Variants in GEMIN8 observed in about 807,000 individuals in gnomAD.
GEMIN8 encodes gem nuclear organelle associated protein 8, also known as gem-associated protein 8.
For missense variants in GEMIN8, 185 were observed against 205.9 expected (o/e 0.90, Z 0.62); for synonymous variants, 80 against 78.5 (o/e 1.02, Z -0.10).
chrX:13,999,274 T>TC, the GEMIN8 span, among the ~76,000 whole-genome samples: 1 of 105,404 alleles, frequency 9.5e-6, no homozygotes, highest in East Asian at 2.9e-4. Flanking sequence ...TATGTAGATT[T>TC]TTTTTTTTTT....
chrX:14,022,277 C>T (rs1412277408), intron 2 of GEMIN8, among the ~76,000 whole-genome samples: 1 of 110,498 alleles, frequency 9.0e-6, no homozygotes, highest in Non-Finnish European at 1.9e-5. Context: ...TAAGACATCT[C>T]TCCAGCCTCA....
At chrX:13,991,339 G>C in the GEMIN8 span, among the ~76,000 whole-genome samples, 1 of 111,955 alleles carries the variant, frequency 8.9e-6, no homozygotes, top group African/African-American at 3.2e-5. Flanking sequence ...TTAGACAATA[G>C]AGCATACAAT....
At chrX:13,996,660 T>C in the GEMIN8 span, among the ~76,000 whole-genome samples, 1 of 111,789 alleles carries the variant, frequency 8.9e-6, no homozygotes, top group Non-Finnish European at 1.9e-5. Context: ...CTTAATCCTA[T>C]ACTCTAAGCA....
Position 14,008,041 on chromosome X carries a change from G to A in GEMIN8, c.*872C>T, listed in dbSNP as rs1486752054. 1.8e-5 allele frequency among the ~76,000 whole-genome samples: 2 copies of A among 108,751 alleles called. No individual in the cohort carries two copies. Among genetic ancestry groups the A allele is most frequent in the Non-Finnish European group, 3.8e-5 (2 of 52,184 alleles). The allele number at this position is 108,751 out of a possible 115,157, so 94.4% of individuals were successfully genotyped here. On this transcript the variant is annotated 3_prime_UTR_variant, in exon 5 of 5. Transcript: ENST00000680255. The stretch of plus-strand genomic sequence containing the variant: ...TTTCTCTAGGTTGGAGTGCAGTGGC[G>A]CGATCTCAGCTCACTGCAACCTCTG...
chrX:14,013,832 C>A, intron 4 of GEMIN8: 1 of 203,496 alleles, frequency 4.9e-6, no homozygotes, highest in Non-Finnish European at 7.3e-6. Flanking sequence ...TAATTTGTTA[C>A]AGCAGCCCTG....
the GEMIN8 span, among the ~76,000 whole-genome samples, chrX:14,000,319 G>A: frequency 1.5e-4 from 16 of 108,677 alleles, no homozygotes; most frequent in African/African-American, 3.0e-4. Context: ...AATTTAGGCC[G>A]GGCGCAGTGG....
chrX:13,989,696 CT>C, the GEMIN8 span, among the ~76,000 whole-genome samples: 1 of 112,512 alleles, frequency 8.9e-6, no homozygotes, highest in African/African-American at 3.2e-5. Context: ...GGATTGCTTC[CT>C]CTGGGAAGAG....
chrX:13,991,732 T>C, the GEMIN8 span, among the ~76,000 whole-genome samples: 1 of 92,799 alleles, frequency 1.1e-5, no homozygotes, highest in African/African-American at 4.0e-5. Context: ...ACTTTTCCCA[T>C]CTCCCGTTTA....
At chrX:14,025,727 C>T (rs1924654381) in intron 2 of GEMIN8, among the ~76,000 whole-genome samples, 1 of 111,905 alleles carries the variant, frequency 8.9e-6, no homozygotes. Flanking sequence ...CATTTAAAGA[C>T]TTAACTAAAA....
chrX:14,013,893 G>C, intron 4 of GEMIN8: 1 of 660,037 alleles, frequency 1.5e-6, no homozygotes, highest in Non-Finnish European at 1.8e-6. Context: ...AAGAACAATA[G>C]GCATGTATTA....
At chrX:14,028,461 TTC>T (rs776560896) in intron 1 of GEMIN8, among the ~76,000 whole-genome samples, 1 of 112,273 alleles carries the variant, frequency 8.9e-6, no homozygotes, top group Non-Finnish European at 1.9e-5. Flanking sequence ...ATCAACTACA[TTC>T]TTTTTTCACT....
chrX:14,017,561 T>C (rs1459378343), intron 4 of GEMIN8, among the ~76,000 whole-genome samples: 1 of 111,895 alleles, frequency 8.9e-6, no homozygotes, highest in Non-Finnish European at 1.9e-5. Flanking sequence ...AAATGTATTG[T>C]CTCATGGCTC....
intron 2 of GEMIN8, among the ~76,000 whole-genome samples, chrX:14,024,983 C>T (rs1200417500): frequency 9.0e-6 from 1 of 111,699 alleles, no homozygotes; most frequent in Admixed American, 9.5e-5. Context: ...GTGCTCATCT[C>T]ACTCTTGGCT....
downstream of GEMIN8, among the ~76,000 whole-genome samples, chrX:14,002,733 C>T (rs1386118960): frequency 1.8e-5 from 2 of 111,398 alleles, no homozygotes; most frequent in Non-Finnish European, 3.8e-5. Context: ...AACTCCTGAC[C>T]TCAGGTGATC....
the GEMIN8 span, among the ~76,000 whole-genome samples, chrX:13,992,984 A>G: frequency 3.6e-5 from 4 of 111,235 alleles, no homozygotes; most frequent in African/African-American, 1.3e-4. Flanking sequence ...GAGGCATGAA[A>G]AAGGAGTTGC....
At chrX:14,020,042 G>T in intron 4 of GEMIN8, 36 bp downstream of exon 4, 1 of 830,656 alleles carries the variant, frequency 1.2e-6, no homozygotes, top group East Asian at 3.1e-5. Flanking sequence ...GCAGGGCAAG[G>T]AAAGGAAGCA....
chrX:13,998,548 G>A, the GEMIN8 span, among the ~76,000 whole-genome samples: 7 of 111,047 alleles, frequency 6.3e-5, no homozygotes, highest in African/African-American at 1.6e-4. Context: ...CCAGCCATGC[G>A]AAACTGTGAG....
the GEMIN8 span, among the ~76,000 whole-genome samples, chrX:14,000,469 C>T: frequency 3.1e-4 from 34 of 109,762 alleles, no homozygotes; most frequent in South Asian, 4.0e-4. Context: ...TGGTGGCGGG[C>T]GCCTGTACTC....
intron 4 of GEMIN8, among the ~76,000 whole-genome samples, chrX:14,012,505 T>G (rs1330038979): frequency 9.0e-6 from 1 of 110,904 alleles, no homozygotes; most frequent in Non-Finnish European, 1.9e-5. Flanking sequence ...TCCTGCATAG[T>G]GAACAGTGGC....
Sources: allele counts gnomAD v4.1 joint callset (sites outside exome capture counted in the v4.1 genomes callset), GRCh38; gene constraint gnomAD v4.1.1; transcripts MANE v1.5; gene names NCBI Gene and HGNC (gene_info 2026-07-23, HGNC 2026-07-21).